Variants in TUFT1 observed in about 807,000 individuals in gnomAD.
The protein encoded by TUFT1 is tuftelin.
In TUFT1, 43 loss-of-function variants were observed where a neutral mutation model predicts 57.8. That is an observed-to-expected ratio of 0.74 (90% CI 0.58 to 0.96). The LOEUF (loss-of-function observed/expected upper bound fraction) is 0.96. TUFT1 is among the 40% of genes least tolerant of loss of function. The pLI, the probability that TUFT1 is intolerant of heterozygous loss-of-function variation, is 0.00. For missense variants in TUFT1, 459 were observed against 489.0 expected, an observed-to-expected ratio of 0.94 and a Z score of 0.58; for synonymous variants, 166 against 176.7, an observed-to-expected ratio of 0.94 and a Z score of 0.48.
chr1:151,557,898 T>C, intron 1 of TUFT1: 1 of 712,456 alleles, frequency 1.4e-6, no homozygotes, highest in South Asian at 1.4e-5. Context: ...AATTCCAGTT[T>C]AGAGGTGGAT....
chr1:151,560,342 G>C (rs922327210), intron 1 of TUFT1, among the ~76,000 whole-genome samples: 1 of 151,996 alleles, frequency 6.6e-6, no homozygotes, highest in Non-Finnish European at 1.5e-5. Flanking sequence ...CTTGAGCCCA[G>C]GAGACGGAGG....
At chr1:151,557,585 C>A in intron 1 of TUFT1, 1 of 1,097,666 alleles carries the variant, frequency 9.1e-7, no homozygotes, top group Non-Finnish European at 1.4e-6. Flanking sequence ...GTCATGAAGG[C>A]CATGCAGCCT....
rs1405215649 is a variant in TUFT1, at chr1:151,553,258, A to G, written c.61-8833A>G. Among the ~76,000 whole-genome samples the G allele has an allele frequency of 2.6e-5, 4 of 151,948 alleles. No individual in the cohort carries two copies. The East Asian group carries it at 7.7e-4, about 29-fold the overall frequency. On this transcript the variant is annotated intron_variant, in intron 1 of 12. Transcript: ENST00000368849. ...AGGCACCTGACACCACGCCTGGCTA[A>G]TTTTTCTATTTGTAGTAGAGATGGG...
rs761044788 is a variant in TUFT1, at chr1:151,580,993, C to T, written c.1060C>T (p.His354Tyr). ...ACACCTGATAGAAAAACAAATCAGT[C>T]ATGGCAACTTCAGCACCCAGGCCCG... ...MEHLIEKQIS[H>Y]GNFSTQARAK... is the part of the protein sequence containing the mutation. Residue 354 changes from histidine (H) to tyrosine (Y), a missense_variant, in exon 12 of 13, where the codon CAT becomes TAT. By Grantham distance (83) the His-to-Tyr change is moderately conservative. Coordinates refer to ENST00000368849, the MANE Select transcript of TUFT1 (RefSeq NM_020127.3). 6.8e-6 allele frequency: 11 copies of T among 1,614,140 alleles called. No individual in the cohort carries two copies. The Admixed American group carries it at 1.8e-4, about 27-fold the overall frequency.
At position 151,583,013 on chromosome 1, in the gene TUFT1, G is replaced by GCA. The variant is rs1466422137; in HGVS notation, c.*1307_*1308dup. Reference sequence around the variant, plus strand: ...TGCAGTGGCGCGATCTCAGCTCACTGCAACCTCTGCCTCCCGGATTTAAGC... The same window carrying GCA: ...TGCAGTGGCGCGATCTCAGCTCACTGCACAACCTCTGCCTCCCGGATTTAAGC... On this transcript the variant is annotated 3_prime_UTR_variant, in exon 13 of 13. Transcript: ENST00000368849. 1 of 151,292 alleles carries GCA rather than the reference G, an allele frequency of 6.6e-6. No homozygotes were observed. Among genetic ancestry groups the GCA allele is most frequent in the East Asian group, 1.9e-4 (1 of 5,156 alleles). 9.4% of individuals were successfully genotyped at this position (151,292 alleles called of 1,614,324 possible). A position where few individuals can be genotyped will look rare whatever the true frequency, so the allele number is the denominator to read the frequency against.
At position 151,581,794 on chromosome 1, in the gene TUFT1, C is replaced by T; in HGVS notation, c.*87C>T. On this transcript the variant is annotated 3_prime_UTR_variant, in exon 13 of 13. Coordinates refer to ENST00000368849, the MANE Select transcript of TUFT1 (RefSeq NM_020127.3). ...TGTTGGCTGTTAACACTGCCTTTGA[C>T]TTCCTGACTGTCCCCTGGCTGCACC... 5 of 1,400,272 alleles carry T rather than the reference C, an allele frequency of 3.6e-6. No individual in the cohort carries two copies. The highest frequency in any genetic ancestry group is 1.9e-4 in the Middle Eastern group (1 of 5,150). The allele number at this position is 1,400,272 out of a possible 1,614,324, so 86.7% of individuals were successfully genotyped here. A position where few individuals can be genotyped will look rare whatever the true frequency, so the allele number is the denominator to read the frequency against.
chr1:151,549,136 T>C (rs1381860379), intron 1 of TUFT1, among the ~76,000 whole-genome samples: 2 of 152,196 alleles, frequency 1.3e-5, no homozygotes, highest in Non-Finnish European at 2.9e-5. Flanking sequence ...TACCTTGTGA[T>C]TAGTACTGCT....
chr1:151,562,052 A>G, intron 1 of TUFT1, 39 bp from the exon 2 acceptor site: 1 of 1,603,286 alleles, frequency 6.2e-7, no homozygotes, highest in Non-Finnish European at 8.5e-7. Context: ...GTAGACTGTA[A>G]AGTTGAGGGG....
At chr1:151,541,182 G>A (rs533526226) in intron 1 of TUFT1, among the ~76,000 whole-genome samples, 2 of 152,168 alleles carry the variant, frequency 1.3e-5, no homozygotes, top group Non-Finnish European at 2.9e-5. Context: ...GGAGGAAGGG[G>A]ATGCAGAACC....
intron 1 of TUFT1, among the ~76,000 whole-genome samples, chr1:151,552,476 G>A (rs1474204593): frequency 6.6e-6 from 1 of 152,118 alleles, no homozygotes; most frequent in Non-Finnish European, 1.5e-5. Context: ...AGCCGAGGCG[G>A]GTGGATTACC....
intron 7 of TUFT1, among the ~76,000 whole-genome samples, chr1:151,573,744 C>T (rs1571715882): frequency 1.3e-5 from 2 of 150,742 alleles, no homozygotes; most frequent in Admixed American, 1.3e-4. Flanking sequence ...AACTCTGTCT[C>T]AAAAAAAAAT....
chr1:151,556,254 C>T (rs1280590705), intron 1 of TUFT1, among the ~76,000 whole-genome samples: 1 of 152,162 alleles, frequency 6.6e-6, no homozygotes, highest in Non-Finnish European at 1.5e-5. Context: ...CTACTGAAGG[C>T]ATCTGGGTTG....
rs1323408337 is a variant in TUFT1, at chr1:151,541,473, G to C, written c.60+1047G>C. Among the ~76,000 whole-genome samples the C allele has an allele frequency of 2.6e-5, 4 of 152,154 alleles. No individual in the cohort carries two copies. In the East Asian group the frequency reaches 5.8e-4, roughly 22 times the overall value. ...AATTTCCAAGCTATTGTGGGTGGGA[G>C]TGAAATGAAAACTAAGGTGATGGGG... On this transcript the variant is annotated intron_variant, in intron 1 of 12. Transcript: ENST00000368849.
At chr1:151,545,740 A>G (rs1040423696) in intron 1 of TUFT1, 1 of 464,008 alleles carries the variant, frequency 2.2e-6, no homozygotes, top group African/African-American at 2.0e-5. Context: ...AGGTCCCTCA[A>G]CCAGTGGAGA....
chr1:151,572,932 T>G (rs1290449206), intron 7 of TUFT1, among the ~76,000 whole-genome samples: 1 of 152,218 alleles, frequency 6.6e-6, no homozygotes, highest in African/African-American at 2.4e-5. Context: ...CCTGGATTCT[T>G]TTTTAATAAA....
chr1:151,540,737 C>A, intron 1 of TUFT1: 3 of 392,100 alleles, frequency 7.7e-6, no homozygotes, highest in Non-Finnish European at 9.5e-6. Flanking sequence ...TTTGGGCAGC[C>A]ACATTGGGTC....
chr1:151,557,820 C>G, intron 1 of TUFT1: 1 of 754,308 alleles, frequency 1.3e-6, no homozygotes. Flanking sequence ...CAGAGATAAC[C>G]TACAGACGGA....
At chr1:151,554,944 T>C (rs1342851603) in intron 1 of TUFT1, among the ~76,000 whole-genome samples, 2 of 147,872 alleles carry the variant, frequency 1.4e-5, no homozygotes, top group African/African-American at 5.0e-5. Context: ...CCTCAGGTGA[T>C]CCACCCACCT....
At chr1:151,543,604 G>A (rs11204846) in intron 1 of TUFT1, among the ~76,000 whole-genome samples, 55,769 of 152,002 alleles carry the variant, frequency 0.37, 10,572 homozygotes, top group Non-Finnish European at 0.41. Context: ...AGAATTTAAG[G>A]GAAAGCTTAG....
Sources: allele counts gnomAD v4.1 joint callset (sites outside exome capture counted in the v4.1 genomes callset), GRCh38; gene constraint gnomAD v4.1.1; transcripts MANE v1.5; gene names NCBI Gene and HGNC (gene_info 2026-07-23, HGNC 2026-07-21).